SLC26A7: variants seen among roughly 807,000 people sequenced by gnomAD.
SLC26A7 encodes solute carrier family 26 member 7, also known as anion exchange transporter.
In SLC26A7, 59 loss-of-function variants were observed where a neutral mutation model predicts 82.5. The observed-to-expected ratio is 0.72, with a 90% CI of 0.58 to 0.89. SLC26A7 has a LOEUF of 0.89. Among genes scored for constraint, SLC26A7 ranks in the 40% least tolerant of loss-of-function variants. The pLI is 0.00. For missense variants in SLC26A7, 820 were observed against 793.0 expected (o/e 1.03, Z -0.41); for synonymous variants, 271 against 274.3 (o/e 0.99, Z 0.12).
chr8:91,395,044 C>T lies in SLC26A7; in HGVS notation c.1936-18C>T. The T allele has an allele frequency of 2.5e-6, 4 of 1,612,722 alleles. No individual in the cohort carries two copies. Among genetic ancestry groups the T allele is most frequent in the Non-Finnish European group, 3.4e-6 (4 of 1,178,824 alleles). On this transcript the variant is annotated intron_variant, in intron 18 of 18. Coordinates refer to ENST00000276609, the MANE Select transcript of SLC26A7 (RefSeq NM_052832.4). ...TTGAGTAAATAGCACATACTTACTT[C>T]TTCCTCTGGTATTTCAGAATTTGAG...
chr8:91,305,239 T>C (rs1465367868), intron 4 of SLC26A7, among the ~76,000 whole-genome samples: 1 of 152,202 alleles, frequency 6.6e-6, no homozygotes, highest in Non-Finnish European at 1.5e-5. Flanking sequence ...TTGAGTTTTT[T>C]TTTTCATCCT....
chr8:91,301,395 A>C (rs1812160825), intron 4 of SLC26A7, among the ~76,000 whole-genome samples: 1 of 152,136 alleles, frequency 6.6e-6, no homozygotes, highest in Admixed American at 6.5e-5. Context: ...AGTTTCTTTT[A>C]CAAAAATTGG....
chr8:91,311,779 G>A (rs545656808), intron 4 of SLC26A7, among the ~76,000 whole-genome samples: 1 of 152,296 alleles, frequency 6.6e-6, no homozygotes, highest in Admixed American at 6.5e-5. Flanking sequence ...GGAAGAGGGA[G>A]GATGTGGTAA....
chr8:91,279,844 C>T (rs1035338905), intron 2 of SLC26A7, among the ~76,000 whole-genome samples: 1 of 152,202 alleles, frequency 6.6e-6, no homozygotes, highest in Non-Finnish European at 1.5e-5. Flanking sequence ...AGGCGTGAGC[C>T]ACCGCGCCCA....
chr8:91,247,139 A>C (rs981265098), upstream of SLC26A7, among the ~76,000 whole-genome samples: 2 of 152,216 alleles, frequency 1.3e-5, no homozygotes, highest in Non-Finnish European at 2.9e-5. Flanking sequence ...AGATAACTGA[A>C]ATTCAAACAT....
chr8:91,331,963 A>C (rs969477628), intron 5 of SLC26A7, among the ~76,000 whole-genome samples: 2 of 151,678 alleles, frequency 1.3e-5, no homozygotes, highest in Non-Finnish European at 2.9e-5. Flanking sequence ...TTATCTGTTT[A>C]TGTCCTCTGC....
chr8:91,307,745 C>A (rs1441812851), intron 4 of SLC26A7, among the ~76,000 whole-genome samples: 1 of 145,640 alleles, frequency 6.9e-6, no homozygotes, highest in African/African-American at 2.5e-5. Context: ...CACATGTATA[C>A]ATATGTAACT....
chr8:91,251,410 G>T (rs1453204117), intron 2 of SLC26A7, among the ~76,000 whole-genome samples: 2 of 152,036 alleles, frequency 1.3e-5, no homozygotes, highest in Non-Finnish European at 1.5e-5. Context: ...GAATCTGGCT[G>T]CTGATTCTCT....
chr8:91,300,280 G>T lies in SLC26A7; in HGVS notation c.477+4577G>T, dbSNP rs529169097. On this transcript the variant is annotated intron_variant, in intron 4 of 18. Transcript: ENST00000276609. ...AGTTTTCTTTACCATTATGTCCTCT[G>T]GCTGGCTATTGTTTGTGTCTTTGAA... 3.9e-5 allele frequency among the ~76,000 whole-genome samples: 6 copies of T among 152,212 alleles called. 1 individual carries two copies. In the South Asian group the frequency reaches 1.2e-3, roughly 32 times the overall value.
intron 5 of SLC26A7, among the ~76,000 whole-genome samples, chr8:91,328,304 A>T (rs185327035): frequency 3.9e-5 from 6 of 152,236 alleles, no homozygotes; most frequent in Non-Finnish European, 5.9e-5. Flanking sequence ...ACTAAATACT[A>T]AACTTTTTCA....
chr8:91,306,249 T>C (rs1228064683), intron 4 of SLC26A7, among the ~76,000 whole-genome samples: 3 of 152,176 alleles, frequency 2.0e-5, no homozygotes, highest in Non-Finnish European at 4.4e-5. Context: ...CAATACTCCC[T>C]TTTCCCTCTG....
At chr8:91,295,842 A>G (rs1212155352) in intron 4 of SLC26A7, 139 bp downstream of exon 4, 2 of 753,898 alleles carry the variant, frequency 2.7e-6, no homozygotes, top group East Asian at 2.8e-5. Context: ...CATTATGGAA[A>G]TGCTGTTTAG....
intron 2 of SLC26A7, among the ~76,000 whole-genome samples, chr8:91,280,867 T>G (rs969060595): frequency 6.6e-6 from 1 of 152,244 alleles, no homozygotes; most frequent in Non-Finnish European, 1.5e-5. Flanking sequence ...TTTTAAAATA[T>G]GTATGTGTAA....
rs79987709 is a variant in SLC26A7 at position 91,344,756 on chromosome 8, T to G, written c.1140+1290T>G. Among the ~76,000 whole-genome samples the G allele has an allele frequency of 9.8e-3, 1,499 of 152,300 alleles. 12 individuals are homozygous for G. The highest frequency in any genetic ancestry group is 0.015 in the Non-Finnish European group (1,030 of 68,018). On this transcript the variant is annotated intron_variant, in intron 9 of 18. Transcript: ENST00000276609. ...ATGACACAAGTAATCTGACAGATTT[T>G]TACACAGCTTTGATTTTCAAGTGTA... is the stretch of plus-strand genomic sequence containing the variant.
intron 1 of SLC26A7, among the ~76,000 whole-genome samples, chr8:91,217,383 A>G (rs966931543): frequency 2.6e-5 from 4 of 152,146 alleles, no homozygotes; most frequent in Non-Finnish European, 5.9e-5. Context: ...TTTATTTATT[A>G]TCTCTGCATT....
At chr8:91,222,931 T>C (rs1810181343) in intron 2 of SLC26A7, among the ~76,000 whole-genome samples, 1 of 152,228 alleles carries the variant, frequency 6.6e-6, no homozygotes, top group African/African-American at 2.4e-5. Flanking sequence ...TTTGTATTTA[T>C]GGTAGAATTC....
At chr8:91,225,944 G>A (rs1373487285) in intron 2 of SLC26A7, among the ~76,000 whole-genome samples, 1 of 152,034 alleles carries the variant, frequency 6.6e-6, no homozygotes, top group African/African-American at 2.4e-5. Flanking sequence ...GGAAGGTTGG[G>A]CTTAATTGGC....
intron 2 of SLC26A7, among the ~76,000 whole-genome samples, chr8:91,225,445 G>T (rs1344829538): frequency 1.3e-5 from 2 of 151,908 alleles, no homozygotes; most frequent in Non-Finnish European, 2.9e-5. Flanking sequence ...TATCAGGTGG[G>T]CTGCTGCAGC....
chr8:91,240,490 C>T (rs186461665), intron 2 of SLC26A7, among the ~76,000 whole-genome samples: 136 of 152,252 alleles, frequency 8.9e-4, no homozygotes, highest in Non-Finnish European at 1.3e-3. Context: ...TTTCAACAAA[C>T]TAAAATGGCT....
Sources: gnomAD v4.1 joint callset for allele counts (sites outside exome capture counted in the v4.1 genomes callset) on GRCh38, gnomAD v4.1.1 for gene constraint, MANE v1.5 for transcripts, NCBI Gene and HGNC (gene_info 2026-07-23, HGNC 2026-07-21) for gene names.